The following BANK1 variants were observed in gnomAD, a reference collection of about 807,000 sequenced individuals.
BANK1 encodes B-cell scaffold protein with ankyrin repeats.
Under a neutral mutation model 94.5 loss-of-function variants are expected in BANK1, and 95 were observed. The observed-to-expected ratio is 1.00, with a 90% CI of 0.85 to 1.19. The LOEUF (loss-of-function observed/expected upper bound fraction) is 1.19, where lower values mean the gene tolerates loss of function less well. Ranked by LOEUF, BANK1 falls within the 50% of genes most tolerant of loss-of-function variation. The pLI is 0.00. For synonymous variants in BANK1, 334 were observed against 308.4 expected (o/e 1.08, Z -0.87); for missense variants, 987 against 932.2 (o/e 1.06, Z -0.77).
At chr4:101,922,008 C>CTG (rs1560634196) in intron 7 of BANK1, among the ~76,000 whole-genome samples, 4 of 77,354 alleles carry the variant, frequency 5.2e-5, no homozygotes, top group South Asian at 5.5e-4. Flanking sequence ...GACACTGGGC[C>CTG]CGTGTGTGTG....
At chr4:101,836,104 G>A (rs1726814260) in intron 2 of BANK1, among the ~76,000 whole-genome samples, 1 of 151,812 alleles carries the variant, frequency 6.6e-6, no homozygotes, top group Admixed American at 6.6e-5. Flanking sequence ...TATGACTCTC[G>A]TTACATTCTA....
intron 7 of BANK1, among the ~76,000 whole-genome samples, chr4:101,949,683 C>G (rs979706723): frequency 6.6e-6 from 1 of 152,102 alleles, no homozygotes; most frequent in Admixed American, 6.6e-5. Context: ...AAAGAACATA[C>G]TATGCCTCTA....
At chr4:102,061,232 T>C (rs1578486623) in intron 12 of BANK1, among the ~76,000 whole-genome samples, 1 of 152,168 alleles carries the variant, frequency 6.6e-6, no homozygotes, top group East Asian at 1.9e-4. Flanking sequence ...AGGAAAACAT[T>C]TTTAAACAAT....
intron 7 of BANK1, among the ~76,000 whole-genome samples, chr4:101,970,211 C>T (rs894152744): frequency 3.3e-5 from 5 of 152,040 alleles, no homozygotes; most frequent in Admixed American, 6.6e-5. Context: ...TGTGAAGATT[C>T]GAGGCGCTGG....
At position 101,873,317 on chromosome 4, in the gene BANK1, A is replaced by G. The variant is rs572682271; in HGVS notation, c.903+2673A>G. Among the ~76,000 whole-genome samples, 11 of 152,288 alleles carry G rather than the reference A, an allele frequency of 7.2e-5. No individual in the cohort carries two copies. In the East Asian group the frequency reaches 2.1e-3, roughly 29 times the overall value. ...AGAACTTTCCTGAGTTTTCTAGTAA[A>G]TTTTAATGGCAGATGTGATTTCAGT... On this transcript the variant is annotated intron_variant, in intron 5 of 16. Transcript: ENST00000322953.
chr4:101,996,464 G>C (rs944971452), intron 7 of BANK1, among the ~76,000 whole-genome samples: 1 of 152,176 alleles, frequency 6.6e-6, no homozygotes, highest in African/African-American at 2.4e-5. Flanking sequence ...ATTCTGTGAA[G>C]AAAGTCAATG....
At chr4:101,887,655 A>G (rs909887326) in intron 5 of BANK1, among the ~76,000 whole-genome samples, 3 of 152,180 alleles carry the variant, frequency 2.0e-5, no homozygotes, top group Non-Finnish European at 4.4e-5. Context: ...CTCAAAACAT[A>G]TTTTCTTCAT....
At chr4:101,807,910 G>A (rs1026843509) in intron 1 of BANK1, among the ~76,000 whole-genome samples, 4 of 151,312 alleles carry the variant, frequency 2.6e-5, no homozygotes, top group Admixed American at 6.6e-5. Flanking sequence ...GTGAAACCCC[G>A]TCTCTACTAA....
At chr4:101,934,230 A>T (rs144173104) in intron 7 of BANK1, among the ~76,000 whole-genome samples, 1 of 151,614 alleles carries the variant, frequency 6.6e-6, no homozygotes, top group East Asian at 2.0e-4. Context: ...AATATTTTGA[A>T]ACAGCTTAGT....
chr4:101,792,940 A>G (rs917759582), intron 1 of BANK1, among the ~76,000 whole-genome samples: 2 of 152,232 alleles, frequency 1.3e-5, no homozygotes, highest in Non-Finnish European at 2.9e-5. Flanking sequence ...ATATATTACT[A>G]TCAATGTCCA....
intron 6 of BANK1, among the ~76,000 whole-genome samples, chr4:101,910,033 T>G (rs1722608810): frequency 6.6e-6 from 1 of 152,234 alleles, no homozygotes; most frequent in Admixed American, 6.5e-5. Flanking sequence ...CCCAATTTTC[T>G]TGTCTATCCA....
At chr4:102,051,140 T>TG (rs1728033089) in intron 11 of BANK1, among the ~76,000 whole-genome samples, 2 of 152,150 alleles carry the variant, frequency 1.3e-5, no homozygotes, top group African/African-American at 2.4e-5. Flanking sequence ...CCTGGAGAAA[T>TG]GGGGAAGATA....
At chr4:101,912,987 T>C (rs1450786291) in intron 6 of BANK1, among the ~76,000 whole-genome samples, 1 of 152,216 alleles carries the variant, frequency 6.6e-6, no homozygotes, top group Non-Finnish European at 1.5e-5. Flanking sequence ...TTTGTGGCCC[T>C]GATTTCTTGA....
intron 1 of BANK1, among the ~76,000 whole-genome samples, chr4:101,821,544 T>C (rs957853702): frequency 1.3e-5 from 2 of 152,228 alleles, no homozygotes; most frequent in Non-Finnish European, 2.9e-5. Flanking sequence ...TCTAGGATGG[T>C]ATTGCCTAGG....
intron 5 of BANK1, among the ~76,000 whole-genome samples, chr4:101,875,844 C>T (rs914440277): frequency 3.3e-5 from 5 of 152,132 alleles, no homozygotes; most frequent in Admixed American, 2.0e-4. Context: ...GATTGCAACT[C>T]CTAGGCAACT....
rs184567396 is a variant in BANK1, at chr4:101,895,292, C to G, written c.904-13C>G. On this transcript the variant is annotated splice_polypyrimidine_tract_variant and intron_variant, in intron 5 of 16. Coordinates refer to ENST00000322953, the MANE Select transcript of BANK1 (RefSeq NM_017935.5). ...TTAACCTAGTGAAAATTTTCTTTTT[C>G]ACTTGAAAACAGAATAGCATTGAAG... is the stretch of plus-strand genomic sequence containing the variant. 2.5e-4 allele frequency: 372 copies of G among 1,483,494 alleles called. No individual in the cohort carries two copies. Among genetic ancestry groups the G allele is most frequent in the Non-Finnish European group, 4.5e-5 (50 of 1,102,594 alleles). 91.9% of individuals were successfully genotyped at this position (1,483,494 alleles called of 1,614,324 possible).
chr4:102,047,861 A>T (rs1036489117), intron 11 of BANK1, among the ~76,000 whole-genome samples: 1 of 151,950 alleles, frequency 6.6e-6, no homozygotes, highest in Non-Finnish European at 1.5e-5. Context: ...TTAAGCTTAG[A>T]AGAGCCCTGT....
intron 7 of BANK1, among the ~76,000 whole-genome samples, chr4:101,951,251 G>T (rs1450116362): frequency 6.6e-6 from 1 of 151,996 alleles, no homozygotes; most frequent in East Asian, 1.9e-4. Flanking sequence ...TCTTAAATTA[G>T]TCTAAAATTA....
intron 2 of BANK1, among the ~76,000 whole-genome samples, chr4:101,833,062 C>T (rs563920705): frequency 1.9e-4 from 29 of 152,250 alleles, no homozygotes; most frequent in Non-Finnish European, 2.1e-4. Context: ...TCACTGCAAC[C>T]TCCACCTCCC....
Sources: gnomAD v4.1 joint callset for allele counts (sites outside exome capture counted in the v4.1 genomes callset) on GRCh38, gnomAD v4.1.1 for gene constraint, MANE v1.5 for transcripts, NCBI Gene and HGNC (gene_info 2026-07-23, HGNC 2026-07-21) for gene names.